PDE4B: variants seen among roughly 807,000 people sequenced by gnomAD.
PDE4B encodes the protein 3',5'-cyclic-AMP phosphodiesterase 4B.
Under a neutral mutation model 82.2 loss-of-function variants are expected in PDE4B, and 20 were observed. That is an observed-to-expected ratio of 0.24 (90% confidence interval 0.17 to 0.35). The LOEUF (loss-of-function observed/expected upper bound fraction) is 0.35, where lower values mean the gene tolerates loss of function less well. PDE4B is among the 10% of genes least tolerant of loss of function. The pLI, the probability that PDE4B is intolerant of heterozygous loss-of-function variation, is 1.00. For synonymous variants in PDE4B, 320 were observed against 318.9 expected (o/e 1.00, Z -0.04); for missense variants, 655 against 907.2 (o/e 0.72, Z 3.57).
chr1:66,080,683 CCTT>C, intron 3 of PDE4B, among the ~76,000 whole-genome samples: 1 of 151,994 alleles, frequency 6.6e-6, no homozygotes, highest in East Asian at 1.9e-4. Context: ...TACACTCTGG[CCTT>C]CTTATCGCTT....
intron 8 of PDE4B, chr1:66,354,853 G>T: frequency 6.5e-7 from 1 of 1,535,704 alleles, no homozygotes; most frequent in Non-Finnish European, 8.7e-7. Context: ...CAAAATGCCT[G>T]AGGCAAATTA....
intron 3 of PDE4B, among the ~76,000 whole-genome samples, chr1:65,954,055 C>A (rs1649137208): frequency 2.6e-5 from 4 of 152,006 alleles, no homozygotes; most frequent in African/African-American, 9.7e-5. Flanking sequence ...TGCCACCACA[C>A]CCAGCTTATT....
intron 3 of PDE4B, among the ~76,000 whole-genome samples, chr1:66,030,526 T>C (rs1653714127): frequency 6.6e-6 from 1 of 152,242 alleles, no homozygotes; most frequent in Non-Finnish European, 1.5e-5. Context: ...AAATTACTGA[T>C]TCAATTTGTG....
chr1:66,162,225 T>G (rs1054246215), intron 3 of PDE4B, among the ~76,000 whole-genome samples: 1 of 150,978 alleles, frequency 6.6e-6, no homozygotes, highest in Non-Finnish European at 1.5e-5. Flanking sequence ...CTCCTCACTT[T>G]ATCCCTAATT....
intron 3 of PDE4B, among the ~76,000 whole-genome samples, chr1:65,940,547 C>T (rs1648389711): frequency 6.6e-6 from 1 of 151,896 alleles, no homozygotes. Context: ...TAATTTGAAA[C>T]AGGGTGATGC....
chr1:66,246,231 C>T (rs188216564), intron 3 of PDE4B, among the ~76,000 whole-genome samples: 13 of 152,256 alleles, frequency 8.5e-5, no homozygotes, highest in Non-Finnish European at 1.9e-4. Context: ...ATTTTATATA[C>T]TTCACAGGGT....
In PDE4B at chr1:65,840,255, T is replaced by C. The variant is rs970438545; in HGVS notation, c.-71+47007T>C. ...ATAGAAGCAAATGAACATAAATTCC[T>C]CAAAAGAAAGATAGATTGGACCAAG... On this transcript the variant is annotated intron_variant, in intron 1 of 16. Transcript: ENST00000341517. 1.1e-4 allele frequency among the ~76,000 whole-genome samples: 17 copies of C among 152,064 alleles called. No homozygotes were observed. In the South Asian group the frequency reaches 3.5e-3, roughly 32 times the overall value.
intron 3 of PDE4B, among the ~76,000 whole-genome samples, chr1:66,008,954 CA>C (rs1652311856): frequency 6.6e-6 from 1 of 152,090 alleles, no homozygotes; most frequent in Non-Finnish European, 1.5e-5. Flanking sequence ...ATCTAAATAA[CA>C]TCCGTATGCT....
chr1:66,094,401 C>A (rs1645077716), intron 3 of PDE4B: 1 of 152,006 alleles, frequency 6.6e-6, no homozygotes, highest in African/African-American at 2.4e-5. Context: ...CTATATAAAT[C>A]CAAATCTAGC....
intron 8 of PDE4B, chr1:66,354,797 T>C: frequency 6.5e-7 from 1 of 1,535,046 alleles, no homozygotes. Flanking sequence ...CTCAGAACTG[T>C]GAATTCTTTC....
intron 4 of PDE4B, among the ~76,000 whole-genome samples, chr1:66,255,055 T>C (rs2101695751): frequency 6.6e-6 from 1 of 152,024 alleles, no homozygotes; most frequent in South Asian, 2.1e-4. Context: ...TTCATTCTTT[T>C]TTTCTTTTCT....
At chr1:65,918,423 G>A (rs1647186356) in intron 2 of PDE4B, among the ~76,000 whole-genome samples, 174 bp from the exon 3 acceptor site, 1 of 152,152 alleles carries the variant, frequency 6.6e-6, no homozygotes, top group African/African-American at 2.4e-5. Flanking sequence ...CTGAGAATCA[G>A]CCTCTTCTAT....
chr1:66,029,979 G>A (rs1653673343), intron 3 of PDE4B, among the ~76,000 whole-genome samples: 1 of 150,788 alleles, frequency 6.6e-6, no homozygotes, highest in Admixed American at 6.6e-5. Flanking sequence ...GGATAGTCAA[G>A]CATAGTGACA....
At chr1:65,817,303 G>A (rs1235454214) in intron 1 of PDE4B, among the ~76,000 whole-genome samples, 1 of 152,162 alleles carries the variant, frequency 6.6e-6, no homozygotes, top group Non-Finnish European at 1.5e-5. Flanking sequence ...TGTTGACAGG[G>A]AACCCAAGTG....
chr1:66,076,296 C>T (rs1656433818), intron 3 of PDE4B, among the ~76,000 whole-genome samples: 1 of 152,106 alleles, frequency 6.6e-6, no homozygotes, highest in African/African-American at 2.4e-5. Flanking sequence ...TCCATTTCTG[C>T]ATTAGTTTGC....
chr1:66,191,696 C>T (rs7517125), intron 3 of PDE4B, among the ~76,000 whole-genome samples: 75,574 of 151,866 alleles, frequency 0.5, 19,534 homozygotes, highest in South Asian at 0.63. Context: ...TCCCTTTTCA[C>T]GCTGCTGATA....
At chr1:66,200,719 T>G (rs1487806316) in intron 3 of PDE4B, among the ~76,000 whole-genome samples, 1 of 152,222 alleles carries the variant, frequency 6.6e-6, no homozygotes, top group Admixed American at 6.5e-5. Flanking sequence ...TTTGCTGAAG[T>G]TGCTTATCAG....
chr1:65,910,578 G>A (rs1258491215), intron 1 of PDE4B, among the ~76,000 whole-genome samples: 1 of 152,156 alleles, frequency 6.6e-6, no homozygotes, highest in African/African-American at 2.4e-5. Context: ...TATTTACAAA[G>A]GGTATGGGCA....
chr1:66,284,043 T>C (rs1656490117), intron 7 of PDE4B, among the ~76,000 whole-genome samples: 1 of 152,184 alleles, frequency 6.6e-6, no homozygotes, highest in Non-Finnish European at 1.5e-5. Context: ...ACATGGTTTC[T>C]TCTTTGGGAG....
Sources: allele counts gnomAD v4.1 joint callset (sites outside exome capture counted in the v4.1 genomes callset), GRCh38; gene constraint gnomAD v4.1.1; transcripts MANE v1.5; gene names NCBI Gene and HGNC (gene_info 2026-07-23, HGNC 2026-07-21).